Variants in PI4KA observed in about 807,000 individuals in gnomAD.
The protein encoded by PI4KA is PI4-kinase alpha.
PI4KA carries 122 observed loss-of-function variants against 271.4 expected under a neutral mutation model. The ratio of observed to expected loss-of-function variants is 0.45; its 90% CI spans 0.39 to 0.52. The LOEUF is 0.52. PI4KA is among the 20% of genes least tolerant of loss of function. The pLI is 0.00. For synonymous variants in PI4KA, 1,041 were observed against 1,078.8 expected (o/e 0.96, Z 0.69); for missense variants, 1,969 against 2,769.1 (o/e 0.71, Z 6.48).
intron 25 of PI4KA, 138 bp downstream of exon 25, chr22:20,752,765 G>A (rs1930845985): frequency 2.4e-6 from 2 of 834,636 alleles, no homozygotes; most frequent in African/African-American, 3.4e-5. Flanking sequence ...TTGGAGGGAG[G>A]CTGCATCACC....
At chr22:20,720,035 A>G (rs1266496724) in intron 43 of PI4KA, among the ~76,000 whole-genome samples, 1 of 149,416 alleles carries the variant, frequency 6.7e-6, no homozygotes, top group African/African-American at 2.5e-5. Flanking sequence ...CAAAAAAAAA[A>G]AAAAAAAAAA....
Position 20,786,502 on chromosome 22 carries a change from C to T in PI4KA, c.2328+6691G>A, listed in dbSNP as rs143637760. Among the ~76,000 whole-genome samples the T allele has an allele frequency of 8.7e-3, 1,327 of 152,312 alleles. 11 individuals carry two copies. Among genetic ancestry groups the T allele is most frequent in the Admixed American group, 0.013 (199 of 15,292 alleles). ...AACACCGCACTATACACATACTTAA[C>T]TTAAACCAATCGGGCGCTCAGCAAA... On this transcript the variant is annotated intron_variant, in intron 19 of 54. Coordinates refer to ENST00000255882, the MANE Select transcript of PI4KA (RefSeq NM_058004.4).
At position 20,803,337 on chromosome 22, in the gene PI4KA, A is replaced by G; in HGVS notation, c.1462-17T>C. Reference sequence around the variant, plus strand: ...GCCCAAACCCTGCAACACACCATCAACCTGTCACATGGCCTGTGGTATGGG... The same window carrying G: ...GCCCAAACCCTGCAACACACCATCAGCCTGTCACATGGCCTGTGGTATGGG... On this transcript the variant is annotated splice_polypyrimidine_tract_variant and intron_variant, in intron 12 of 54. Transcript: ENST00000255882. 6.2e-7 allele frequency: 1 copy of G among 1,613,582 alleles called. No individual in the cohort carries two copies. The highest frequency in any genetic ancestry group is 8.5e-7 in the Non-Finnish European group (1 of 1,179,700).
Position 20,733,519 on chromosome 22 carries a change from A to C in PI4KA, c.4160+217T>G, listed in dbSNP as rs561470132. ...TTGAACTGAGGGAAAATTTGCCTAC[A>C]TCTCGCTGGGAGGCTAGCTCTAAGT... On this transcript the variant is annotated intron_variant, in intron 35 of 54. Transcript: ENST00000255882. Among the ~76,000 whole-genome samples the C allele has an allele frequency of 2.7e-3, 406 of 149,808 alleles. 1 individual carries two copies. The highest frequency in any genetic ancestry group is 9.4e-3 in the African/African-American group (382 of 40,594).
chr22:20,752,820 T>C, intron 25 of PI4KA, 83 bp downstream of exon 25: 2 of 1,430,144 alleles, frequency 1.4e-6, no homozygotes, highest in Non-Finnish European at 2.0e-6. Flanking sequence ...AGATTAATAA[T>C]ATAAGGATGA....
intron 19 of PI4KA, 144 bp downstream of exon 19, chr22:20,793,049 G>A: frequency 3.2e-6 from 2 of 622,866 alleles, no homozygotes; most frequent in Non-Finnish European, 5.8e-6. Flanking sequence ...TGGAAAAGCT[G>A]GTGATGGCTG....
At chr22:20,759,402 CTTTTTTT>C (rs886192073) in intron 23 of PI4KA, among the ~76,000 whole-genome samples, 251 of 102,890 alleles carry the variant, frequency 2.4e-3, no homozygotes, top group African/African-American at 8.8e-3. Context: ...CTTTTCTTTT[CTTTTTTT>C]TTTTTTTTTT....
At position 20,725,787 on chromosome 22, in the gene PI4KA, T is replaced by C. The variant is rs189300025; in HGVS notation, c.4995+701A>G. On this transcript the variant is annotated intron_variant, in intron 42 of 54. Transcript: ENST00000255882. Reference sequence around the variant, plus strand: ...CGCACACGCCTGTCATCCCAGTTACTTGGGAGGGGTAGCGGGGAAGGTGCT... The same window carrying C: ...CGCACACGCCTGTCATCCCAGTTACCTGGGAGGGGTAGCGGGGAAGGTGCT... 1,184 of 291,686 alleles carry C rather than the reference T, an allele frequency of 4.1e-3. 5 individuals are homozygous for C. Among genetic ancestry groups the C allele is most frequent in the Admixed American group, 7.3e-3 (185 of 25,444 alleles). 18.1% of individuals were successfully genotyped at this position (291,686 alleles called of 1,614,324 possible).
At chr22:20,841,882 G>T (rs1193438986) in intron 1 of PI4KA, among the ~76,000 whole-genome samples, 1 of 152,146 alleles carries the variant, frequency 6.6e-6, no homozygotes, top group African/African-American at 2.4e-5. Context: ...GAAGGGGCCA[G>T]AAATCAAGGA....
chr22:20,821,557 G>A (rs1434814052), intron 4 of PI4KA, among the ~76,000 whole-genome samples: 4 of 151,144 alleles, frequency 2.6e-5, no homozygotes, highest in Non-Finnish European at 4.4e-5. Context: ...TTTTGTTCCT[G>A]GAAGGGTGGC....
chr22:20,840,813 T>C (rs566735890), intron 1 of PI4KA, among the ~76,000 whole-genome samples: 1 of 152,120 alleles, frequency 6.6e-6, no homozygotes, highest in Admixed American at 6.5e-5. Flanking sequence ...CCCAGGAGTT[T>C]GAGACCAGCC....
At chr22:20,777,204 A>C (rs2147466529) in intron 19 of PI4KA, among the ~76,000 whole-genome samples, 1 of 151,474 alleles carries the variant, frequency 6.6e-6, no homozygotes, top group South Asian at 2.1e-4. Flanking sequence ...ACACCAGGCT[A>C]ATTATTTTTC....
At position 20,751,269 on chromosome 22, in the gene PI4KA, T is replaced by C. The variant is rs754055231; in HGVS notation, c.3153+24A>G. ...GAATTGTGGTAAAGATGGCCCTTAGTGCAGGGGATCGTGTCGGGCCTACCT... is the reference window on the plus strand; with the variant it reads ...GAATTGTGGTAAAGATGGCCCTTAGCGCAGGGGATCGTGTCGGGCCTACCT... On this transcript the variant is annotated intron_variant, in intron 27 of 54. Transcript: ENST00000255882. 11 of 1,587,158 alleles carry C rather than the reference T, an allele frequency of 6.9e-6. No individual in the cohort carries two copies. The East Asian group carries it at 1.8e-4, about 26-fold the overall frequency.
At chr22:20,816,099 C>G (rs1346584682) in intron 7 of PI4KA, among the ~76,000 whole-genome samples, 1 of 151,834 alleles carries the variant, frequency 6.6e-6, no homozygotes, top group Admixed American at 6.6e-5. Context: ...GCCACTGCAC[C>G]CGGCTAATTT....
chr22:20,709,882 G>A (rs746424437), intron 53 of PI4KA, 26 bp downstream of exon 53: 1 of 1,247,042 alleles, frequency 8.0e-7, no homozygotes, highest in South Asian at 1.2e-5. Flanking sequence ...CCCCCAGATG[G>A]CCTGCGTGTC....
chr22:20,748,243 G>A (rs1930325407), intron 28 of PI4KA, among the ~76,000 whole-genome samples: 1 of 152,234 alleles, frequency 6.6e-6, no homozygotes, highest in African/African-American at 2.4e-5. Flanking sequence ...TCACTGCGGT[G>A]TTGCACCGTC....
chr22:20,847,754 C>CA (rs361953), intron 1 of PI4KA, among the ~76,000 whole-genome samples: 16,065 of 138,382 alleles, frequency 0.12, 859 homozygotes, highest in African/African-American at 0.12. Context: ...GACCCTGTTT[C>CA]AAAAAAAAAA....
intron 22 of PI4KA, among the ~76,000 whole-genome samples, chr22:20,762,592 A>G (rs1932086472): frequency 6.6e-6 from 1 of 152,152 alleles, no homozygotes. Context: ...GGAAAGGCAG[A>G]GGTAGCTCTG....
chr22:20,765,694 C>T lies in PI4KA; in HGVS notation c.2329-1G>A. The T allele has an allele frequency of 6.2e-7, 1 of 1,603,294 alleles. No individual in the cohort carries two copies. Among genetic ancestry groups the T allele is most frequent in the Non-Finnish European group, 8.5e-7 (1 of 1,170,366 alleles). ...TGATGGGTGGCAGTCGTCGGGTGAG[C>T]TGATGTGCCAAGAAGAGAGGGAGAA... On this transcript the variant is annotated splice_acceptor_variant, in intron 19 of 54. Transcript: ENST00000255882. LOFTEE classifies it high-confidence loss of function.
Sources: allele counts gnomAD v4.1 joint callset (sites outside exome capture counted in the v4.1 genomes callset), GRCh38; gene constraint gnomAD v4.1.1; transcripts MANE v1.5; gene names NCBI Gene and HGNC (gene_info 2026-07-23, HGNC 2026-07-21).